The following EHMT1 variants were observed in gnomAD, a reference collection of about 807,000 sequenced individuals.
EHMT1 encodes euchromatic histone lysine methyltransferase 1.
A neutral mutation model predicts 147.2 loss-of-function variants in EHMT1; 15 were observed. The observed-to-expected ratio is 0.10, with a 90% confidence interval of 0.07 to 0.16. EHMT1 has a LOEUF of 0.16. Among genes scored for constraint, EHMT1 ranks in the 10% least tolerant of loss-of-function variants. EHMT1 has a pLI of 1.00. For synonymous variants in EHMT1, 795 were observed against 709.6 expected (o/e 1.12, Z -1.91); for missense variants, 1,587 against 1,772.4 (o/e 0.90, Z 1.88).
intron 1 of EHMT1, among the ~76,000 whole-genome samples, chr9:137,648,309 AAC>A (rs1442045708): frequency 6.6e-6 from 1 of 152,146 alleles, no homozygotes; most frequent in Non-Finnish European, 1.5e-5. Flanking sequence ...TCAATGTTAA[AAC>A]ACAGACAGTG....
chr9:137,793,983 T>C (rs1952715828), intron 16 of EHMT1, among the ~76,000 whole-genome samples: 1 of 152,238 alleles, frequency 6.6e-6, no homozygotes, highest in South Asian at 2.1e-4. Context: ...CACAAAACTG[T>C]ATAAAATGTT....
rs1367052602 is a variant in EHMT1 at position 137,619,042 on chromosome 9, A to G, written c.14A>G (p.Asp5Gly). 8.4e-6 allele frequency: 8 copies of G among 955,884 alleles called. No individual in the cohort carries two copies. Among genetic ancestry groups the G allele is most frequent in the Non-Finnish European group, 9.9e-6 (8 of 805,978 alleles). The allele number at this position is 955,884 out of a possible 1,614,324, so 59.2% of individuals were successfully genotyped here. The change falls in exon 1 of 27, where the codon GAT becomes GGT. Residue 5 changes from aspartate to glycine, a missense_variant. Around this residue, in one of 7 missense-constraint regions of EHMT1, gnomAD observed 810 missense variants for 673.0 expected, o/e 1.20. Coordinates refer to ENST00000460843, the MANE Select transcript of EHMT1 (RefSeq NM_024757.5). MAAA[D>G]AEAVPARGEP... Reference sequence around the variant, plus strand: ...CGGGCCCGGGCCATGGCCGCCGCCGATGCCGAGGTGAGCAGCGGGGCCGGC... The same window carrying G: ...CGGGCCCGGGCCATGGCCGCCGCCGGTGCCGAGGTGAGCAGCGGGGCCGGC...
In EHMT1 at chr9:137,799,146, A is replaced by G. The variant is rs11137239; in HGVS notation, c.2607+232A>G. 0.33 allele frequency among the ~76,000 whole-genome samples: 49,581 copies of G among 150,080 alleles called. 8,081 individuals carry two copies. Among genetic ancestry groups the G allele is most frequent in the Admixed American group, 0.43 (6,448 of 15,074 alleles). Reference sequence around the variant, plus strand: ...CCCTCCAGCGTCCTCTTCCACACTCAGGGCCAGCTCGGACCCTCCACGGCA... The same window carrying G: ...CCCTCCAGCGTCCTCTTCCACACTCGGGGCCAGCTCGGACCCTCCACGGCA... On this transcript the variant is annotated intron_variant, in intron 17 of 26. Coordinates refer to ENST00000460843, the MANE Select transcript of EHMT1 (RefSeq NM_024757.5).
rs1031165594 is a variant in EHMT1 at position 137,799,050 on chromosome 9, G to A, written c.2607+136G>A. On this transcript the variant is annotated intron_variant, in intron 17 of 26. Transcript: ENST00000460843. ...ACAGAGCCAGCTCGGGCCCTCCAGC[G>A]TCCTCTTCCACACTTAGGGCCAGCT... 1.6e-4 allele frequency: 120 copies of A among 755,644 alleles called. No individual in the cohort carries two copies. The African/African-American group carries it at 1.7e-3, about 11-fold the overall frequency. 46.8% of individuals were successfully genotyped at this position (755,644 alleles called of 1,614,324 possible). A position where few individuals can be genotyped will look rare whatever the true frequency, so the allele number is the denominator to read the frequency against.
intron 9 of EHMT1, among the ~76,000 whole-genome samples, chr9:137,758,414 G>A (rs1949549174): frequency 1.3e-5 from 2 of 152,336 alleles, no homozygotes; most frequent in Admixed American, 1.3e-4. Context: ...TGAGCTGAGA[G>A]TTCTGACATA....
At chr9:137,647,887 G>A (rs749145001) in intron 1 of EHMT1, among the ~76,000 whole-genome samples, 3 of 152,036 alleles carry the variant, frequency 2.0e-5, no homozygotes, top group Non-Finnish European at 4.4e-5. Flanking sequence ...GTGAGCCACC[G>A]CGCCCGGCCG....
In EHMT1 at chr9:137,785,196, C is replaced by G. The variant is rs142266278; in HGVS notation, c.2382+2799C>G. The G allele has an allele frequency of 3.3e-3, 503 of 153,700 alleles. 2 individuals carry two copies. The highest frequency in any genetic ancestry group is 4.6e-3 in the Non-Finnish European group (313 of 68,716). 9.5% of individuals were successfully genotyped at this position (153,700 alleles called of 1,614,324 possible). A position where few individuals can be genotyped will look rare whatever the true frequency, so the allele number is the denominator to read the frequency against. On this transcript the variant is annotated intron_variant, in intron 15 of 26. Transcript: ENST00000460843. ...GCATTCGGCTGGGAGGCCCTCTCCT[C>G]TCCTGGGAGGCCTAGTGAAGGGTGT... is the stretch of plus-strand genomic sequence containing the variant.
chr9:137,763,804 G>T (rs1236111514), intron 10 of EHMT1: 2 of 152,384 alleles, frequency 1.3e-5, no homozygotes, highest in African/African-American at 4.8e-5. Flanking sequence ...CGTGAGAGGG[G>T]CCAGGTGGCG....
chr9:137,669,783 C>T (rs1168235362), intron 1 of EHMT1, among the ~76,000 whole-genome samples: 4 of 152,096 alleles, frequency 2.6e-5, no homozygotes, highest in African/African-American at 9.7e-5. Flanking sequence ...GAACTCTTGG[C>T]CTTAAGTGAT....
chr9:137,806,755 G>C (rs952448058), intron 18 of EHMT1, among the ~76,000 whole-genome samples: 1 of 152,168 alleles, frequency 6.6e-6, no homozygotes, highest in South Asian at 2.1e-4. Flanking sequence ...TTTAATGCCT[G>C]GAAAGTCCTT....
At chr9:137,714,260 G>T (rs1057335163) in intron 2 of EHMT1, among the ~76,000 whole-genome samples, 1 of 152,202 alleles carries the variant, frequency 6.6e-6, no homozygotes, top group Non-Finnish European at 1.5e-5. Context: ...TAAGTGTGAT[G>T]TTAGCTGTAG....
chr9:137,760,481 G>A (rs746191655), intron 9 of EHMT1, among the ~76,000 whole-genome samples: 4 of 152,192 alleles, frequency 2.6e-5, no homozygotes, highest in Admixed American at 6.5e-5. Context: ...TCACTTCATC[G>A]TTTTCCTGGT....
chr9:137,672,949 G>A (rs1195643387), intron 1 of EHMT1, among the ~76,000 whole-genome samples: 1 of 152,196 alleles, frequency 6.6e-6, no homozygotes, highest in East Asian at 1.9e-4. Context: ...ACTATACCTT[G>A]TGGTTTTCTG....
At chr9:137,821,894 A>AT (rs905420922) in intron 25 of EHMT1, among the ~76,000 whole-genome samples, 2 of 151,986 alleles carry the variant, frequency 1.3e-5, no homozygotes, top group African/African-American at 4.8e-5. Context: ...GTTTTGTTGG[A>AT]TTTTTTTAAA....
chr9:137,628,798 T>G (rs1589035758), intron 1 of EHMT1, among the ~76,000 whole-genome samples: 2 of 152,308 alleles, frequency 1.3e-5, no homozygotes, highest in African/African-American at 2.4e-5. Flanking sequence ...TTGCTGGAGA[T>G]CCCACACGTG....
Position 137,834,866 on chromosome 9 carries a change from GGC to G in EHMT1, c.3811_3812del (p.Ala1271ProfsTer47). The G allele has an allele frequency of 6.2e-7, 1 of 1,611,324 alleles. No individual in the cohort carries two copies. The highest frequency in any genetic ancestry group is 1.1e-5 in the South Asian group (1 of 90,988). ...PKCRHSSAAL[A>X]QRQASAAQEA... Reference sequence around the variant, plus strand: ...AGTGCCGGCACTCGAGCGCGGCCCTGGCCCAGCGTCAGGCCAGCGCGGCCCAG... The same window carrying G: ...AGTGCCGGCACTCGAGCGCGGCCCTGCCAGCGTCAGGCCAGCGCGGCCCAG... On this transcript the variant is annotated frameshift_variant, in exon 27 of 27. Transcript: ENST00000460843. LOFTEE classifies it high-confidence loss of function.
chr9:137,771,605 AGCTC>A (rs1426913110), intron 10 of EHMT1, among the ~76,000 whole-genome samples: 1 of 152,104 alleles, frequency 6.6e-6, no homozygotes, highest in Non-Finnish European at 1.5e-5. Flanking sequence ...CTTTCGTCTT[AGCTC>A]ACCACAGGCG....
chr9:137,702,956 C>T (rs1438053660), intron 1 of EHMT1, among the ~76,000 whole-genome samples: 1 of 152,228 alleles, frequency 6.6e-6, no homozygotes, highest in Non-Finnish European at 1.5e-5. Context: ...ATCCATACAT[C>T]CTGTGAAATC....
At chr9:137,825,111 G>C (rs534941941) in intron 25 of EHMT1, among the ~76,000 whole-genome samples, 2 of 152,348 alleles carry the variant, frequency 1.3e-5, no homozygotes, top group Admixed American at 1.3e-4. Context: ...CTTCCTTGCT[G>C]GCTGGCAACC....
Sources: allele counts gnomAD v4.1 joint callset (sites outside exome capture counted in the v4.1 genomes callset), GRCh38; gene constraint gnomAD v4.1.1; regional missense constraint gnomAD v4.1.1; transcripts MANE v1.5; gene names NCBI Gene and HGNC (gene_info 2026-07-23, HGNC 2026-07-21).